FAM20A: variants seen among roughly 807,000 people sequenced by gnomAD.
FAM20A encodes the protein FAM20A golgi associated secretory pathway pseudokinase, also known as pseudokinase FAM20A.
In FAM20A, 42 loss-of-function variants were observed where a neutral mutation model predicts 52.0. The ratio of observed to expected loss-of-function variants is 0.81; its 90% CI spans 0.63 to 1.04. The LOEUF (loss-of-function observed/expected upper bound fraction) is 1.04, where lower values mean the gene tolerates loss of function less well. Among genes scored for constraint, FAM20A ranks in the 50% least tolerant of loss-of-function variants. The probability of loss-of-function intolerance (pLI) is 0.00; values close to 1 mark genes in which losing one functional copy is unlikely to be tolerated. For missense variants in FAM20A, 742 were observed against 712.7 expected (o/e 1.04, Z -0.47); for synonymous variants, 304 against 298.9 (o/e 1.02, Z -0.18).
chr17:68,569,965 T>G (rs80069475), intron 1 of FAM20A, among the ~76,000 whole-genome samples: 501 of 152,358 alleles, frequency 3.3e-3, no homozygotes, highest in Non-Finnish European at 6.2e-3. Flanking sequence ...CACTTACAGT[T>G]TCACATTTGC....
chr17:68,565,383 CTTTTTTTTTT>C (rs796800181), intron 1 of FAM20A, among the ~76,000 whole-genome samples: 13 of 103,782 alleles, frequency 1.3e-4, no homozygotes, highest in Admixed American at 4.1e-4. Context: ...CCATTACCTC[CTTTTTTTTTT>C]TTTTTTTTTT....
chr17:68,575,529 A>ATATAT (rs1568767194), intron 1 of FAM20A, among the ~76,000 whole-genome samples: 2 of 66,864 alleles, frequency 3.0e-5, no homozygotes, highest in African/African-American at 1.5e-4. Flanking sequence ...ATATTATATA[A>ATATAT]TATATATTTT....
intron 1 of FAM20A, among the ~76,000 whole-genome samples, chr17:68,580,315 C>A (rs2087906026): frequency 1.3e-5 from 2 of 152,204 alleles, no homozygotes; most frequent in East Asian, 3.9e-4. Context: ...GTTGAGAAAG[C>A]AATGACTGTA....
intron 4 of FAM20A, among the ~76,000 whole-genome samples, chr17:68,550,145 C>CT (rs1275052586): frequency 1.3e-5 from 2 of 152,050 alleles, no homozygotes; most frequent in Non-Finnish European, 2.9e-5. Context: ...CAACTTGACT[C>CT]TAAGTGATGA....
chr17:68,567,359 C>A (rs2087406559), intron 1 of FAM20A, among the ~76,000 whole-genome samples: 1 of 151,920 alleles, frequency 6.6e-6, no homozygotes, highest in South Asian at 2.1e-4. Flanking sequence ...AGTTTGCCAA[C>A]CCCTGCCTTA....
chr17:68,581,418 T>TTTCTTTCTTTCTTTCTTTCTTTC (rs1386005874), intron 1 of FAM20A, among the ~76,000 whole-genome samples: 9 of 52,050 alleles, frequency 1.7e-4, no homozygotes, highest in African/African-American at 6.5e-4. Context: ...TTCTTTCTTT[T>TTTCTTTCTTTCTTTCTTTCTTTC]TCTCTTTTCT....
At chr17:68,561,465 G>A (rs1193929624) in intron 1 of FAM20A, among the ~76,000 whole-genome samples, 1 of 152,030 alleles carries the variant, frequency 6.6e-6, no homozygotes, top group Non-Finnish European at 1.5e-5. Context: ...TTTGTATTTG[G>A]GTCTATTTCT....
At chr17:68,563,604 CT>C (rs1455333363) in intron 1 of FAM20A, among the ~76,000 whole-genome samples, 3 of 151,876 alleles carry the variant, frequency 2.0e-5, no homozygotes, top group Non-Finnish European at 2.9e-5. Flanking sequence ...AACAAAACCA[CT>C]TCCCTAAGAT....
chr17:68,582,155 T>C (rs1307941551), intron 1 of FAM20A, among the ~76,000 whole-genome samples: 4 of 151,950 alleles, frequency 2.6e-5, no homozygotes, highest in African/African-American at 9.7e-5. Flanking sequence ...AGAAAAAGAG[T>C]TGTTCCTAGA....
chr17:68,540,630 C>T (rs2086243728), intron 8 of FAM20A: 1 of 656,282 alleles, frequency 1.5e-6, no homozygotes, highest in Admixed American at 2.1e-5. Context: ...AGATGCCTGC[C>T]TTATGAGTGA....
chr17:68,576,902 C>G (rs1406190190), intron 1 of FAM20A, among the ~76,000 whole-genome samples: 1 of 152,144 alleles, frequency 6.6e-6, no homozygotes, highest in Non-Finnish European at 1.5e-5. Flanking sequence ...ATTCTAGGAG[C>G]TGGGACTCTG....
Position 68,537,566 on chromosome 17 carries a change from T to C in FAM20A, c.1537A>G (p.Ile513Val). 2 of 1,613,476 alleles carry C rather than the reference T, an allele frequency of 1.2e-6. No individual in the cohort carries two copies. Among genetic ancestry groups the C allele is most frequent in the Non-Finnish European group, 1.7e-6 (2 of 1,179,530 alleles). ...QTILRTVEGC[I>V]VAHGQQSVIV... Reference sequence around the variant, plus strand: ...ACACTCTGCTGTCCATGGGCCACTATGCACCCCTCCACTGTCCTTAGGATG... The same window carrying C: ...ACACTCTGCTGTCCATGGGCCACTACGCACCCCTCCACTGTCCTTAGGATG... Residue 513 changes from isoleucine (I) to valine (V), a missense_variant, in exon 11 of 11, where the codon ATA (isoleucine) becomes GTA (valine). Physicochemically the swap from Ile to Val is conservative, Grantham distance 29 (BLOSUM62 3). Coordinates refer to ENST00000592554, the MANE Select transcript of FAM20A (RefSeq NM_017565.4). The surrounding 1 kb of genome is among the most constrained non-coding windows in gnomAD (Gnocchi z 4.2).
rs2087235527 is a variant in FAM20A, at chr17:68,562,274, AGAGAAAT to A, written c.405-6538_405-6532del. On this transcript the variant is annotated intron_variant, in intron 1 of 10. Coordinates refer to ENST00000592554, the MANE Select transcript of FAM20A (RefSeq NM_017565.4). ...TTTGTAACTGTAAAAACTGGAGAAA[AGAGAAAT>A]ATCTAGGACAGGGGTATTTAAGAGA... is the stretch of plus-strand genomic sequence containing the variant. Among the ~76,000 whole-genome samples, 6 of 152,390 alleles carry A rather than the reference AGAGAAAT, an allele frequency of 3.9e-5. No individual in the cohort carries two copies. The East Asian group carries it at 7.7e-4, about 20-fold the overall frequency.
intron 1 of FAM20A, among the ~76,000 whole-genome samples, chr17:68,587,007 C>T (rs1361185207): frequency 1.3e-5 from 2 of 152,172 alleles, no homozygotes; most frequent in Non-Finnish European, 2.9e-5. Context: ...TCTCCTGCCT[C>T]AGCCTCCCGA....
intron 4 of FAM20A, among the ~76,000 whole-genome samples, chr17:68,548,294 C>G (rs558553272): frequency 1.3e-5 from 2 of 152,066 alleles, no homozygotes; most frequent in East Asian, 3.9e-4. Flanking sequence ...CTTTGGGAGG[C>G]TGAGGTGGGC....
At position 68,541,035 on chromosome 17, in the gene FAM20A, GC is replaced by G. The variant is rs950731551; in HGVS notation, c.1110-78del. The G allele has an allele frequency of 5.2e-6, 8 of 1,542,762 alleles. No individual in the cohort carries two copies. The Admixed American group carries it at 5.9e-5, about 11-fold the overall frequency. On this transcript the variant is annotated intron_variant, in intron 7 of 10. Coordinates refer to ENST00000592554, the MANE Select transcript of FAM20A (RefSeq NM_017565.4). ...CGGGGGTCTCCCCACACCTCCCCCT[GC>G]CCCCCCAATCCCTGCCTCCCTGATC...
At position 68,600,612 on chromosome 17, in the gene FAM20A, G is replaced by A. The variant is rs2088595999; in HGVS notation, c.55C>T (p.Leu19Phe). 3.2e-6 allele frequency: 5 copies of A among 1,563,712 alleles called. No individual in the cohort carries two copies. Among genetic ancestry groups the A allele is most frequent in the Middle Eastern group, 2.1e-4 (1 of 4,710 alleles). ...LLTLLLLGAL[L>F]SADLYFHLWP... ...AGGTGGAAGTAGAGGTCGGCGGAGA[G>A]CAGCGCGCCCAGCAGCAGCAGAGTC... The change falls in exon 1 of 11, where the codon CTC becomes TTC. Residue 19 changes from leucine to phenylalanine, a missense_variant. Coordinates refer to ENST00000592554, the MANE Select transcript of FAM20A (RefSeq NM_017565.4). This position sits in a 1 kb window ranked among gnomAD's most constrained non-coding sequence, Gnocchi z 6.2.
chr17:68,554,739 G>A, intron 3 of FAM20A, 38 bp downstream of exon 3: 1 of 1,601,526 alleles, frequency 6.2e-7, no homozygotes, highest in Non-Finnish European at 8.5e-7. Context: ...AGCTGTGAGG[G>A]TGAAGAGGCT....
At chr17:68,554,065 CACAT>C (rs2086979688) in intron 3 of FAM20A, among the ~76,000 whole-genome samples, 1 of 115,028 alleles carries the variant, frequency 8.7e-6, no homozygotes, top group Non-Finnish European at 1.8e-5. Context: ...CACATATACA[CACAT>C]ATACACACAT....
Sources: allele counts gnomAD v4.1 joint callset (sites outside exome capture counted in the v4.1 genomes callset), GRCh38; gene constraint gnomAD v4.1.1; non-coding constraint Gnocchi (gnomAD v3.1); transcripts MANE v1.5; gene names NCBI Gene and HGNC (gene_info 2026-07-23, HGNC 2026-07-21).